The following FLVCR2 variants were observed in gnomAD, a reference collection of about 807,000 sequenced individuals.
FLVCR2 encodes the protein choline/ethanolamine transporter FLVCR2.
Under a neutral mutation model 48.9 loss-of-function variants are expected in FLVCR2, and 38 were observed. The observed-to-expected ratio is 0.78, with a 90% CI of 0.60 to 1.02. The LOEUF is 1.02. Ranked by LOEUF, FLVCR2 falls within the 50% of genes least tolerant of loss-of-function variation. The pLI is 0.00. For synonymous variants in FLVCR2, 255 were observed against 257.0 expected (o/e 0.99, Z 0.07); for missense variants, 664 against 663.3 (o/e 1.00, Z -0.01).
At chr14:75,615,647 C>T (rs1163733357) in intron 1 of FLVCR2, among the ~76,000 whole-genome samples, 1 of 151,988 alleles carries the variant, frequency 6.6e-6, no homozygotes, top group African/African-American at 2.4e-5. Flanking sequence ...TGACCCTGAG[C>T]CCTTAAGCAC....
At chr14:75,579,893 C>T (rs1888553107) in intron 1 of FLVCR2, among the ~76,000 whole-genome samples, 1 of 152,230 alleles carries the variant, frequency 6.6e-6, no homozygotes, top group African/African-American at 2.4e-5. Flanking sequence ...TATACCTTCG[C>T]TGTGTCGTTC....
chr14:75,619,480 TCC>T (rs1889707303), intron 1 of FLVCR2, among the ~76,000 whole-genome samples: 1 of 115,308 alleles, frequency 8.7e-6, no homozygotes, highest in African/African-American at 4.1e-5. Flanking sequence ...CATCTGCTCA[TCC>T]ATCCATCCAT....
rs573516021 is a variant in FLVCR2, at chr14:75,642,861, C to T, written c.1509+963C>T. On this transcript the variant is annotated intron_variant, in intron 9 of 9. Transcript: ENST00000238667. ...ACTTTATCAGGCAACTAGTCTCTTA[C>T]AACATACTTTTTTTTTATGAGACAC... Among the ~76,000 whole-genome samples, 5 of 152,206 alleles carry T rather than the reference C, an allele frequency of 3.3e-5. No individual in the cohort carries two copies. The East Asian group carries it at 9.7e-4, about 29-fold the overall frequency.
At chr14:75,580,743 G>C (rs997074891) in intron 1 of FLVCR2, among the ~76,000 whole-genome samples, 1 of 152,150 alleles carries the variant, frequency 6.6e-6, no homozygotes, top group Middle Eastern at 3.2e-3. Flanking sequence ...CTTAAGGGTG[G>C]GGGAAATTAC....
At chr14:75,642,038 T>G (rs1291695191) in intron 9 of FLVCR2, 140 bp downstream of exon 9, 2 of 767,734 alleles carry the variant, frequency 2.6e-6, no homozygotes, top group Non-Finnish European at 4.6e-6. Flanking sequence ...CCCTTACACA[T>G]GGCATCCTAA....
At chr14:75,641,387 G>A in intron 8 of FLVCR2, 94 bp downstream of exon 8, 1 of 794,686 alleles carries the variant, frequency 1.3e-6, no homozygotes, top group South Asian at 1.4e-5. Flanking sequence ...ACGTACGTAG[G>A]GGGACAGATG....
chr14:75,600,882 AAAAAAC>A (rs796890129), intron 1 of FLVCR2, among the ~76,000 whole-genome samples: 32 of 152,238 alleles, frequency 2.1e-4, no homozygotes, highest in African/African-American at 7.5e-4. Context: ...ACCGCAAAAA[AAAAAAC>A]AAACAAACAA....
chr14:75,632,589 G>C (rs972093339), intron 3 of FLVCR2: 1 of 702,018 alleles, frequency 1.4e-6, no homozygotes. Context: ...CTTCCGGAAG[G>C]CTATATGAAC....
At chr14:75,621,937 T>G (rs1889777390) in intron 1 of FLVCR2, 142 bp from the exon 2 acceptor site, 3 of 906,202 alleles carry the variant, frequency 3.3e-6, no homozygotes, top group Non-Finnish European at 5.5e-6. Flanking sequence ...TCTGGTGTTT[T>G]GAGGTGAGAA....
chr14:75,597,576 T>C (rs1566785275), intron 1 of FLVCR2, among the ~76,000 whole-genome samples: 1 of 143,928 alleles, frequency 6.9e-6, no homozygotes, highest in Non-Finnish European at 1.5e-5. Flanking sequence ...TTTTGTATTC[T>C]CTTTTTTTTT....
chr14:75,605,729 C>G (rs1357313146), intron 1 of FLVCR2: 8 of 1,093,066 alleles, frequency 7.3e-6, no homozygotes, highest in Non-Finnish European at 1.1e-5. Context: ...GATTGCTTCT[C>G]CAGAGAGGAG....
intron 3 of FLVCR2, among the ~76,000 whole-genome samples, chr14:75,629,748 G>A (rs1889993973): frequency 6.6e-6 from 1 of 152,208 alleles, no homozygotes; most frequent in South Asian, 2.1e-4. Context: ...TCTAGAAAAT[G>A]GCATACTCAA....
intron 1 of FLVCR2, among the ~76,000 whole-genome samples, chr14:75,615,174 G>A (rs987783462): frequency 3.9e-5 from 6 of 152,304 alleles, no homozygotes; most frequent in Middle Eastern, 3.4e-3. Flanking sequence ...CATGCAGGTC[G>A]GGCAGAGGAG....
intron 1 of FLVCR2, among the ~76,000 whole-genome samples, chr14:75,582,299 G>A (rs1888630420): frequency 6.6e-6 from 1 of 152,194 alleles, no homozygotes; most frequent in South Asian, 2.1e-4. Flanking sequence ...TGGTGGTGTA[G>A]GATATGGAAG....
At chr14:75,606,855 G>C (rs1312713872) in intron 1 of FLVCR2, among the ~76,000 whole-genome samples, 3 of 151,836 alleles carry the variant, frequency 2.0e-5, no homozygotes, top group African/African-American at 7.3e-5. Context: ...GAGGTTGGGG[G>C]ATCACCTGAG....
chr14:75,600,237 T>C lies in FLVCR2; in HGVS notation c.669+20596T>C, dbSNP rs143900725. 4.7e-3 allele frequency among the ~76,000 whole-genome samples: 722 copies of C among 152,234 alleles called. 2 individuals are homozygous for C. Among genetic ancestry groups the C allele is most frequent in the African/African-American group, 0.014 (572 of 41,522 alleles). ...CACCAGGACCATGACAGTTTACAAA[T>C]GCCATAGCAAATCAGGAAGTTACCC... On this transcript the variant is annotated intron_variant, in intron 1 of 9. Coordinates refer to ENST00000238667, the MANE Select transcript of FLVCR2 (RefSeq NM_017791.3).
intron 1 of FLVCR2, among the ~76,000 whole-genome samples, chr14:75,588,679 A>T (rs1331326808): frequency 6.6e-6 from 1 of 152,124 alleles, no homozygotes; most frequent in Non-Finnish European, 1.5e-5. Context: ...GGGTTTCACC[A>T]TGTTGGCCAG....
intron 1 of FLVCR2, among the ~76,000 whole-genome samples, chr14:75,600,222 A>G (rs1251672696): frequency 5.3e-5 from 8 of 152,210 alleles, no homozygotes; most frequent in Non-Finnish European, 8.8e-5. Flanking sequence ...CACCAGGACC[A>G]TGACAGTTTA....
intron 1 of FLVCR2, among the ~76,000 whole-genome samples, chr14:75,589,513 C>T (rs981678618): frequency 6.6e-6 from 1 of 152,210 alleles, no homozygotes; most frequent in Admixed American, 6.5e-5. Flanking sequence ...CAGCAGCTCT[C>T]ACAGTTGGAG....
Sources: allele counts gnomAD v4.1 joint callset (sites outside exome capture counted in the v4.1 genomes callset), GRCh38; gene constraint gnomAD v4.1.1; transcripts MANE v1.5; gene names NCBI Gene and HGNC (gene_info 2026-07-23, HGNC 2026-07-21).